The following SGCD variants were observed in gnomAD, a reference collection of about 807,000 sequenced individuals.
SGCD encodes sarcoglycan delta, also known as delta-sarcoglycan.
In SGCD, 18 loss-of-function variants were observed where a neutral mutation model predicts 36.6. The observed-to-expected ratio is 0.49, with a 90% CI of 0.34 to 0.73. The LOEUF (loss-of-function observed/expected upper bound fraction) is 0.73, where lower values mean the gene tolerates loss of function less well. SGCD is among the 30% of genes least tolerant of loss of function. The pLI is 0.01. For synonymous variants in SGCD, 133 were observed against 130.6 expected, an observed-to-expected ratio of 1.02 and a Z score of -0.12; for missense variants, 387 against 346.7, an observed-to-expected ratio of 1.12 and a Z score of -0.92.
the SGCD span, among the ~76,000 whole-genome samples, chr5:155,824,367 T>C: frequency 6.6e-6 from 1 of 152,142 alleles, no homozygotes; most frequent in Non-Finnish European, 1.5e-5. Context: ...CTTGCAAGGG[T>C]TAAGCACTCA....
At chr5:155,920,719 T>C (rs1342745304) in intron 1 of SGCD, among the ~76,000 whole-genome samples, 1 of 152,040 alleles carries the variant, frequency 6.6e-6, no homozygotes, top group African/African-American at 2.4e-5. Flanking sequence ...TGGGCTGCCT[T>C]CTGGGGGCGG....
chr5:156,641,097 A>G (rs1581313529), intron 6 of SGCD, among the ~76,000 whole-genome samples: 1 of 152,210 alleles, frequency 6.6e-6, no homozygotes, highest in African/African-American at 2.4e-5. Context: ...CCTTAAAAAG[A>G]ATTTTTCACT....
At chr5:156,529,708 A>G (rs535073980) in intron 4 of SGCD, among the ~76,000 whole-genome samples, 9 of 152,310 alleles carry the variant, frequency 5.9e-5, no homozygotes, top group African/African-American at 2.2e-4. Context: ...ACAGTTTCAG[A>G]AGCTGAAAAA....
intron 4 of SGCD, among the ~76,000 whole-genome samples, chr5:156,522,635 G>A (rs1426170353): frequency 6.6e-6 from 1 of 151,946 alleles, no homozygotes; most frequent in African/African-American, 2.4e-5. Context: ...TGCATGCTGG[G>A]CTTTAAACCT....
intron 3 of SGCD, among the ~76,000 whole-genome samples, chr5:156,268,486 G>T (rs774761908): frequency 6.6e-6 from 1 of 152,128 alleles, no homozygotes; most frequent in Non-Finnish European, 1.5e-5. Flanking sequence ...AACCTCACCA[G>T]CATCTGTTAT....
chr5:156,640,142 T>C (rs147099414), intron 6 of SGCD, among the ~76,000 whole-genome samples: 49 of 152,272 alleles, frequency 3.2e-4, no homozygotes, highest in African/African-American at 1.1e-3. Flanking sequence ...CTTTTTCCAA[T>C]AGTGCTCTTC....
In SGCD at chr5:156,764,386, A is replaced by T. The variant is rs2113206151; in HGVS notation, c.*4996A>T. On this transcript the variant is annotated 3_prime_UTR_variant, in exon 9 of 9. Coordinates refer to ENST00000337851, the MANE Select transcript of SGCD (RefSeq NM_000337.6). ...CATGCACAAAGCCAAACCACTGATA[A>T]GAGATAAAGCAGTCTGAAGCCTGCT... 6.5e-6 allele frequency: 1 copy of T among 152,776 alleles called. No individual in the cohort carries two copies. Among genetic ancestry groups the T allele is most frequent in the South Asian group, 2.1e-4 (1 of 4,826 alleles). 9.5% of individuals were successfully genotyped at this position (152,776 alleles called of 1,614,324 possible).
At chr5:156,034,699 T>A (rs58209951) in intron 1 of SGCD, among the ~76,000 whole-genome samples, 18,332 of 152,202 alleles carry the variant, frequency 0.12, 2,299 homozygotes, top group East Asian at 0.47. Flanking sequence ...CAGAATCAGT[T>A]GGTCATGTGA....
At chr5:156,431,012 G>T (rs894888617) in intron 3 of SGCD, among the ~76,000 whole-genome samples, 16 of 152,166 alleles carry the variant, frequency 1.1e-4, no homozygotes, top group African/African-American at 3.9e-4. Context: ...AGGCAGGTGG[G>T]TAGATATAAT....
chr5:156,460,067 A>G (rs1754419036), intron 3 of SGCD, among the ~76,000 whole-genome samples: 1 of 152,182 alleles, frequency 6.6e-6, no homozygotes, highest in Middle Eastern at 3.2e-3. Context: ...TTCCTTTCAA[A>G]CCTGAGCTGA....
chr5:156,135,861 G>T (rs1762443066), intron 3 of SGCD, among the ~76,000 whole-genome samples: 1 of 152,072 alleles, frequency 6.6e-6, no homozygotes, highest in Admixed American at 6.5e-5. Flanking sequence ...TTAGATTCCT[G>T]AAGGTTAGTT....
chr5:155,857,644 TGGGTGTAA>T, the SGCD span, among the ~76,000 whole-genome samples: 1 of 152,106 alleles, frequency 6.6e-6, no homozygotes, highest in Non-Finnish European at 1.5e-5. Flanking sequence ...GGGGTGGGGA[TGGGTGTAA>T]GGGTAAGAAG....
intron 3 of SGCD, among the ~76,000 whole-genome samples, chr5:156,256,518 G>A: frequency 6.6e-6 from 1 of 151,964 alleles, no homozygotes. Flanking sequence ...TTATTGTCTA[G>A]TATCATTACA....
intron 3 of SGCD, among the ~76,000 whole-genome samples, chr5:156,135,555 A>G (rs1386010775): frequency 2.0e-5 from 3 of 152,320 alleles, no homozygotes; most frequent in Non-Finnish European, 4.4e-5. Flanking sequence ...TTTCTGGATT[A>G]GAAGATTTTC....
chr5:156,234,854 G>C (rs1765115160), intron 3 of SGCD, among the ~76,000 whole-genome samples: 1 of 152,148 alleles, frequency 6.6e-6, no homozygotes, highest in Non-Finnish European at 1.5e-5. Flanking sequence ...AGAGATAAAG[G>C]AACTAGGTAG....
intron 7 of SGCD, among the ~76,000 whole-genome samples, chr5:156,717,708 A>G (rs1335307850): frequency 6.6e-6 from 1 of 152,068 alleles, no homozygotes; most frequent in African/African-American, 2.4e-5. Flanking sequence ...CCCTCCCCTA[A>G]TCACTCCAGG....
chr5:156,746,471 CAGT>C (rs1252739475), intron 7 of SGCD, among the ~76,000 whole-genome samples: 2 of 152,156 alleles, frequency 1.3e-5, no homozygotes, highest in Non-Finnish European at 2.9e-5. Flanking sequence ...ATTGTATAAA[CAGT>C]AGTCTTGCAG....
At chr5:156,429,201 T>G (rs914540335) in intron 3 of SGCD, among the ~76,000 whole-genome samples, 1 of 152,022 alleles carries the variant, frequency 6.6e-6, no homozygotes, top group Non-Finnish European at 1.5e-5. Flanking sequence ...TGCATATATA[T>G]TTAGGACTGT....
At chr5:156,504,392 GTATATA>G (rs59580975) in intron 3 of SGCD, among the ~76,000 whole-genome samples, 14,455 of 74,716 alleles carry the variant, frequency 0.19, 1,033 homozygotes, top group South Asian at 0.29. Flanking sequence ...GTGTGTGTGT[GTATATA>G]TATATATATA....
Sources: allele counts gnomAD v4.1 joint callset (sites outside exome capture counted in the v4.1 genomes callset), GRCh38; gene constraint gnomAD v4.1.1; transcripts MANE v1.5; gene names NCBI Gene and HGNC (gene_info 2026-07-23, HGNC 2026-07-21).